The following RANBP17 variants were observed in gnomAD, a reference collection of about 807,000 sequenced individuals.
The protein encoded by RANBP17 is ran-binding protein 17.
RANBP17 carries 158 observed loss-of-function variants against 141.2 expected under a neutral mutation model. The ratio of observed to expected loss-of-function variants is 1.12; its 90% CI spans 0.98 to 1.28. The LOEUF (loss-of-function observed/expected upper bound fraction) is 1.28, where lower values mean the gene tolerates loss of function less well. Among genes scored for constraint, RANBP17 ranks in the 50% most tolerant of loss-of-function variants. The probability of loss-of-function intolerance (pLI) is 0.00; values close to 1 mark genes in which losing one functional copy is unlikely to be tolerated. For missense variants in RANBP17, 1,438 were observed against 1,290.7 expected (o/e 1.11, Z -1.75); for synonymous variants, 430 against 450.0 (o/e 0.96, Z 0.56).
intron 12 of RANBP17, among the ~76,000 whole-genome samples, chr5:170,948,234 G>T (rs918916726): frequency 6.6e-6 from 1 of 152,120 alleles, no homozygotes; most frequent in East Asian, 1.9e-4. Context: ...GGAGCTAAAT[G>T]TAAGTGCAAG....
intron 14 of RANBP17, among the ~76,000 whole-genome samples, chr5:171,019,041 T>C (rs1780652398): frequency 6.6e-6 from 1 of 152,230 alleles, no homozygotes; most frequent in Non-Finnish European, 1.5e-5. Flanking sequence ...TTGTTTCTGT[T>C]TATGTGGTAG....
intron 12 of RANBP17, among the ~76,000 whole-genome samples, chr5:170,933,118 C>T (rs932476390): frequency 6.6e-6 from 1 of 152,118 alleles, no homozygotes. Context: ...AGGGATTCAG[C>T]TTCTTCCTGG....
At chr5:171,176,881 A>T (rs571186394) in intron 16 of RANBP17, among the ~76,000 whole-genome samples, 1 of 152,352 alleles carries the variant, frequency 6.6e-6, no homozygotes, top group East Asian at 1.9e-4. Context: ...GGTAGGTGTC[A>T]GGAAAGAGTA....
chr5:171,056,310 T>C (rs184310449), intron 14 of RANBP17, among the ~76,000 whole-genome samples: 72 of 152,224 alleles, frequency 4.7e-4, no homozygotes, highest in African/African-American at 1.6e-3. Flanking sequence ...CTGTCAAAGT[T>C]CTATAGCTGA....
chr5:170,864,670 C>T (rs1207399590), intron 1 of RANBP17, among the ~76,000 whole-genome samples: 1 of 152,080 alleles, frequency 6.6e-6, no homozygotes, highest in Non-Finnish European at 1.5e-5. Flanking sequence ...TGGTAAGAAT[C>T]GAGAGAATGT....
intron 14 of RANBP17, among the ~76,000 whole-genome samples, chr5:171,039,387 G>C (rs562318162): frequency 5.3e-5 from 8 of 151,336 alleles, no homozygotes; most frequent in African/African-American, 1.9e-4. Context: ...CTTCTGAAAA[G>C]TGTCTGTTCA....
At chr5:170,876,894 A>G (rs1478386134) in intron 1 of RANBP17, among the ~76,000 whole-genome samples, 1 of 152,202 alleles carries the variant, frequency 6.6e-6, no homozygotes, top group African/African-American at 2.4e-5. Context: ...TCATATGCCT[A>G]CCTGACATTG....
intron 12 of RANBP17, among the ~76,000 whole-genome samples, chr5:170,949,754 A>G (rs574771352): frequency 6.6e-6 from 1 of 152,194 alleles, no homozygotes; most frequent in African/African-American, 2.4e-5. Context: ...ATACATCCAC[A>G]TAAAATCTTG....
chr5:171,184,050 A>C (rs1393262508), intron 18 of RANBP17, among the ~76,000 whole-genome samples: 2 of 152,234 alleles, frequency 1.3e-5, no homozygotes, highest in Non-Finnish European at 2.9e-5. Flanking sequence ...TAGTACAGCC[A>C]TTGTGAATAA....
chr5:171,217,652 A>G (rs1441093583), intron 21 of RANBP17, among the ~76,000 whole-genome samples: 1 of 152,054 alleles, frequency 6.6e-6, no homozygotes, highest in Non-Finnish European at 1.5e-5. Flanking sequence ...TGTATCCAGG[A>G]GTTTATCCAT....
At chr5:171,202,277 T>G (rs1762340450) in intron 19 of RANBP17, among the ~76,000 whole-genome samples, 1 of 152,106 alleles carries the variant, frequency 6.6e-6, no homozygotes, top group Admixed American at 6.5e-5. Flanking sequence ...AGCTTTAGAG[T>G]ACTCTTTCAA....
intron 14 of RANBP17, among the ~76,000 whole-genome samples, chr5:171,025,122 T>C (rs751323782): frequency 1.3e-5 from 2 of 152,188 alleles, no homozygotes; most frequent in East Asian, 3.9e-4. Context: ...TTTGATTGTT[T>C]ATAGTTCTTT....
At chr5:171,254,023 G>A (rs1765733203) in intron 24 of RANBP17, among the ~76,000 whole-genome samples, 1 of 152,104 alleles carries the variant, frequency 6.6e-6, no homozygotes, top group African/African-American at 2.4e-5. Flanking sequence ...CGAGGCGGGT[G>A]GATCACGAGG....
chr5:171,123,784 A>T (rs1756221272), intron 14 of RANBP17, among the ~76,000 whole-genome samples: 1 of 152,264 alleles, frequency 6.6e-6, no homozygotes, highest in East Asian at 1.9e-4. Flanking sequence ...AGGAACAGCC[A>T]AAGGAATTGG....
At position 171,221,763 on chromosome 5, in the gene RANBP17, A is replaced by C; in HGVS notation, c.2345A>C (p.Gln782Pro). ...TTTTTTTCTATATTTCTTAGATCCC[A>C]GCGTTTGAATTTTGATGTATCATCT... ...LMAELMQNRS[Q>P]RLNFDVSSPN... Residue 782 changes from glutamine to proline, a missense_variant, in exon 22 of 28, where the codon CAG becomes CCG. Gln to Pro is a moderately conservative substitution (Grantham distance 76, BLOSUM62 -1). Coordinates refer to ENST00000523189, the MANE Select transcript of RANBP17 (RefSeq NM_022897.5). 1 of 1,602,222 alleles carries C rather than the reference A, an allele frequency of 6.2e-7. No homozygotes were observed. Among genetic ancestry groups the C allele is most frequent in the East Asian group, 2.2e-5 (1 of 44,718 alleles).
chr5:171,115,784 C>T (rs182177109), intron 14 of RANBP17, among the ~76,000 whole-genome samples: 103 of 152,198 alleles, frequency 6.8e-4, no homozygotes, highest in African/African-American at 2.4e-3. Context: ...GACAGTTTGT[C>T]CAGAAACAAA....
intron 13 of RANBP17, among the ~76,000 whole-genome samples, chr5:170,963,880 C>A (rs909623242): frequency 5.9e-5 from 9 of 151,998 alleles, no homozygotes; most frequent in African/African-American, 2.2e-4. Flanking sequence ...AAGGGGTCAA[C>A]CCTCTGATAT....
At chr5:170,895,166 T>A (rs1406949146) in intron 4 of RANBP17, among the ~76,000 whole-genome samples, 2 of 152,138 alleles carry the variant, frequency 1.3e-5, no homozygotes, top group Non-Finnish European at 2.9e-5. Context: ...TTGTGAGACC[T>A]TTTTTTGTTC....
At chr5:170,935,927 C>T (rs1163406772) in intron 12 of RANBP17, among the ~76,000 whole-genome samples, 1 of 152,222 alleles carries the variant, frequency 6.6e-6, no homozygotes, top group African/African-American at 2.4e-5. Flanking sequence ...CCTCCTTGAG[C>T]TGCCGTGGGC....
Sources: gnomAD v4.1 joint callset for allele counts (sites outside exome capture counted in the v4.1 genomes callset) on GRCh38, gnomAD v4.1.1 for gene constraint, MANE v1.5 for transcripts, NCBI Gene and HGNC (gene_info 2026-07-23, HGNC 2026-07-21) for gene names.